The following HMGXB3 variants were observed in gnomAD, a reference collection of about 807,000 sequenced individuals.
HMGXB3 encodes HMG domain-containing protein 3.
Under a neutral mutation model 121.5 loss-of-function variants are expected in HMGXB3, and 45 were observed. The observed-to-expected ratio is 0.37, with a 90% CI of 0.29 to 0.47. The LOEUF is 0.47. Among genes scored for constraint, HMGXB3 ranks in the 20% least tolerant of loss-of-function variants. The pLI, the probability that HMGXB3 is intolerant of heterozygous loss-of-function variation, is 0.99. For missense variants in HMGXB3, 1,376 were observed against 1,602.2 expected (o/e 0.86, Z 2.41); for synonymous variants, 590 against 624.1 (o/e 0.95, Z 0.81).
chr5:150,045,144 G>A (rs182181167), intron 15 of HMGXB3, among the ~76,000 whole-genome samples: 96 of 152,324 alleles, frequency 6.3e-4, no homozygotes, highest in African/African-American at 2.2e-3. Context: ...ATTACAAAGT[G>A]TCTGGCACAT....
rs149955533 is a variant in HMGXB3, at chr5:150,026,913, G to T, written c.1636+32G>T. ...GCTGGGACATACCTGGGATGGAGGG[G>T]CTGTCTGACAGGAAAGGGACAGGAG... On this transcript the variant is annotated intron_variant, in intron 8 of 19. Coordinates refer to ENST00000502717, the MANE Select transcript of HMGXB3 (RefSeq NM_014983.3). 4.6e-6 allele frequency: 7 copies of T among 1,510,752 alleles called. No individual in the cohort carries two copies. The East Asian group carries it at 1.5e-4, about 32-fold the overall frequency. 93.6% of individuals were successfully genotyped at this position (1,510,752 alleles called of 1,614,324 possible).
At position 150,036,722 on chromosome 5, in the gene HMGXB3, G is replaced by A. The variant is rs372034980; in HGVS notation, c.2070G>A (p.Leu690=). 1.5e-4 allele frequency: 230 copies of A among 1,551,448 alleles called. No homozygotes were observed. The highest frequency in any genetic ancestry group is 1.9e-4 in the Non-Finnish European group (220 of 1,147,020). The change falls in exon 12 of 20, where the codon CTG becomes CTA. Residue 690 remains leucine (L), a synonymous_variant. Transcript: ENST00000502717. ...AQREIQRQST[L]QLLRKVLQIP... The stretch of plus-strand genomic sequence containing the variant: ...GGGAGATCCAGCGCCAGTCCACACT[G>A]CAGCTGCTGCGCAAAGTCCTGCAGA...
intron 6 of HMGXB3, 102 bp downstream of exon 6, chr5:150,018,799 C>A: frequency 9.2e-7 from 1 of 1,082,690 alleles, no homozygotes; most frequent in Non-Finnish European, 1.3e-6. Context: ...TTTGTTTTTA[C>A]TGTCTGACTA....
chr5:150,002,787 G>C (rs916769600), intron 1 of HMGXB3, among the ~76,000 whole-genome samples: 4 of 152,190 alleles, frequency 2.6e-5, no homozygotes, highest in Non-Finnish European at 5.9e-5. Flanking sequence ...ATGTTGGTTG[G>C]TCAGATGACT....
intron 9 of HMGXB3, among the ~76,000 whole-genome samples, chr5:150,027,855 G>T (rs1421664625): frequency 6.6e-6 from 1 of 152,144 alleles, no homozygotes; most frequent in Non-Finnish European, 1.5e-5. Flanking sequence ...GCCTGGCCTA[G>T]AATAGGAATA....
At chr5:150,007,492 A>C (rs1162001099) in intron 3 of HMGXB3, among the ~76,000 whole-genome samples, 3 of 152,246 alleles carry the variant, frequency 2.0e-5, no homozygotes. Flanking sequence ...AGCAACAGCA[A>C]CAACTACGTT....
intron 5 of HMGXB3, 84 bp downstream of exon 5, chr5:150,012,437 T>C: frequency 1.1e-6 from 1 of 929,468 alleles, no homozygotes; most frequent in South Asian, 1.4e-5. Context: ...TTTTTCTTTC[T>C]GAGCTACCAG....
At chr5:150,047,783 A>G in intron 17 of HMGXB3, 26 bp downstream of exon 17, 1 of 1,551,438 alleles carries the variant, frequency 6.4e-7, no homozygotes, top group Non-Finnish European at 8.7e-7. Flanking sequence ...AGTGGTGGAT[A>G]TCGGGGCTTC....
intron 5 of HMGXB3, among the ~76,000 whole-genome samples, chr5:150,015,315 G>T (rs1027545484): frequency 1.3e-5 from 2 of 151,646 alleles, no homozygotes; most frequent in Admixed American, 1.3e-4. Context: ...GGTAAATAAG[G>T]TTTCACTCTG....
At chr5:150,041,657 G>A in intron 14 of HMGXB3, 128 bp from the exon 15 acceptor site, 1 of 693,498 alleles carries the variant, frequency 1.4e-6, no homozygotes, top group Non-Finnish European at 2.4e-6. Context: ...AGGGTAGGTA[G>A]TACACTGGAG....
At chr5:150,048,819 C>G (rs1172401066) in intron 18 of HMGXB3, 134 bp downstream of exon 18, 2 of 693,278 alleles carry the variant, frequency 2.9e-6, no homozygotes, top group East Asian at 5.4e-5. Flanking sequence ...GCCCACGGGT[C>G]AGGTGCTACC....
chr5:150,045,704 T>C lies in HMGXB3; in HGVS notation c.2950+19T>C. The C allele has an allele frequency of 6.5e-7, 1 of 1,542,556 alleles. No homozygotes were observed. The highest frequency in any genetic ancestry group is 8.8e-7 in the Non-Finnish European group (1 of 1,138,744). On this transcript the variant is annotated intron_variant, in intron 16 of 19. Coordinates refer to ENST00000502717, the MANE Select transcript of HMGXB3 (RefSeq NM_014983.3). ...GTACCTGGTAAGGCCACCTGGTGGC[T>C]GACTGGGGTCAAAAAAGGGCTCAGT... is the stretch of plus-strand genomic sequence containing the variant.
At chr5:150,037,342 C>T (rs1004316417) in intron 12 of HMGXB3, 58 bp from the exon 13 acceptor site, 10 of 1,439,754 alleles carry the variant, frequency 6.9e-6, no homozygotes, top group Non-Finnish European at 8.3e-6. Flanking sequence ...AGCCCTGGAA[C>T]TCCATAAAGA....
chr5:150,051,742 G>A lies in HMGXB3; in HGVS notation c.3429G>A (p.Glu1143=). ...TEPPVSVSCP[E]LLDQHYTVDM... ...TCTTCTAGAGTGTGTCCTGCCCAGAGCTCTTGGACCAGCATTATACTGTGG... is the reference window on the plus strand; with the variant it reads ...TCTTCTAGAGTGTGTCCTGCCCAGAACTCTTGGACCAGCATTATACTGTGG... Residue 1143 remains glutamate (E), a synonymous_variant, in exon 20 of 20, where the codon GAG becomes GAA. Coordinates refer to ENST00000502717, the MANE Select transcript of HMGXB3 (RefSeq NM_014983.3). The A allele has an allele frequency of 6.5e-7, 1 of 1,529,906 alleles. No homozygotes were observed. The highest frequency in any genetic ancestry group is 8.8e-7 in the Non-Finnish European group (1 of 1,139,116). 94.8% of individuals were successfully genotyped at this position (1,529,906 alleles called of 1,614,324 possible).
intron 11 of HMGXB3, 124 bp from the exon 12 acceptor site, chr5:150,036,512 C>A: frequency 1.2e-6 from 1 of 802,624 alleles, no homozygotes; most frequent in Non-Finnish European, 1.9e-6. Context: ...TGGTTAGGAA[C>A]CTAGGTTTGC....
intron 15 of HMGXB3, among the ~76,000 whole-genome samples, chr5:150,044,332 G>T (rs955012325): frequency 1.1e-4 from 17 of 152,298 alleles, no homozygotes; most frequent in Admixed American, 1.1e-3. Flanking sequence ...GGCATTTCCT[G>T]TTCCCTTGCT....
intron 6 of HMGXB3, among the ~76,000 whole-genome samples, chr5:150,019,769 C>T (rs1756046130): frequency 6.6e-6 from 1 of 152,174 alleles, no homozygotes; most frequent in Non-Finnish European, 1.5e-5. Flanking sequence ...TCAGCATGGT[C>T]CAAACTTGTA....
chr5:150,011,707 A>G (rs1219685089), intron 4 of HMGXB3, among the ~76,000 whole-genome samples: 1 of 149,114 alleles, frequency 6.7e-6, no homozygotes, highest in Non-Finnish European at 1.5e-5. Flanking sequence ...CGGGTTCAAG[A>G]GATTCTCCTG....
intron 6 of HMGXB3, chr5:150,021,540 G>A (rs1216223646): frequency 2.8e-6 from 1 of 350,992 alleles, no homozygotes; most frequent in Non-Finnish European, 5.6e-6. Context: ...TTTAACAACT[G>A]GTAATCAATG....
Sources: gnomAD v4.1 joint callset for allele counts (sites outside exome capture counted in the v4.1 genomes callset) on GRCh38, gnomAD v4.1.1 for gene constraint, MANE v1.5 for transcripts, NCBI Gene and HGNC (gene_info 2026-07-23, HGNC 2026-07-21) for gene names.